The following CYP2F1 variants were observed in gnomAD, a reference collection of about 807,000 sequenced individuals.
The protein encoded by CYP2F1 is cytochrome P450 family 2 subfamily F member 1, also known as cytochrome P450 2F1.
Under a neutral mutation model 40.4 loss-of-function variants are expected in CYP2F1, and 33 were observed. That is an observed-to-expected ratio of 0.82 (90% CI 0.62 to 1.09). CYP2F1 has a LOEUF of 1.09. Ranked by LOEUF, CYP2F1 falls within the 50% of genes least tolerant of loss-of-function variation. CYP2F1 has a pLI of 0.00. For synonymous variants in CYP2F1, 235 were observed against 277.2 expected (o/e 0.85, Z 1.51); for missense variants, 566 against 655.7 (o/e 0.86, Z 1.49).
intron 3 of CYP2F1, among the ~76,000 whole-genome samples, chr19:41,117,792 C>G (rs2031908697): frequency 6.6e-6 from 1 of 152,152 alleles, no homozygotes; most frequent in Admixed American, 6.6e-5. Context: ...TCTTGTCCCT[C>G]TAAGGCTTGG....
intron 3 of CYP2F1, among the ~76,000 whole-genome samples, chr19:41,118,375 A>C (rs1298406870): frequency 6.6e-6 from 1 of 152,072 alleles, no homozygotes; most frequent in African/African-American, 2.4e-5. Context: ...ATCCTGGACT[A>C]TTCTCTCCTC....
At chr19:41,120,279 G>A (rs1252970122) in intron 3 of CYP2F1, 68 bp from the exon 4 acceptor site, 3 of 1,454,986 alleles carry the variant, frequency 2.1e-6, no homozygotes, top group Non-Finnish European at 2.8e-6. Flanking sequence ...TACCATGAAA[G>A]GGGACCTGGG....
chr19:41,116,679 G>A (rs959223174), intron 3 of CYP2F1, 62 bp downstream of exon 3: 2 of 1,552,952 alleles, frequency 1.3e-6, no homozygotes, highest in Non-Finnish European at 8.8e-7. Context: ...GGGGGTGAGG[G>A]TGAGAGACTG....
intron 9 of CYP2F1, among the ~76,000 whole-genome samples, chr19:41,126,340 A>T (rs2032546192): frequency 6.6e-6 from 1 of 152,012 alleles, no homozygotes; most frequent in African/African-American, 2.4e-5. Context: ...CAGGAGAATC[A>T]CTTGAACCCG....
In CYP2F1 at chr19:41,121,432, T is replaced by C. The variant is rs1199284947; in HGVS notation, c.485-26T>C. ...TGGTGTGCTGCACATCGCGTCTTCC[T>C]GATCCATTGCACTCCTTACCCTCAG... On this transcript the variant is annotated intron_variant, in intron 4 of 9. Coordinates refer to ENST00000331105, the MANE Select transcript of CYP2F1 (RefSeq NM_000774.5). 6 of 1,600,842 alleles carry C rather than the reference T, an allele frequency of 3.7e-6. No individual in the cohort carries two copies. The Admixed American group carries it at 5.1e-5, about 14-fold the overall frequency.
intron 4 of CYP2F1, among the ~76,000 whole-genome samples, chr19:41,121,080 G>A (rs2032168358): frequency 6.6e-6 from 1 of 152,068 alleles, no homozygotes; most frequent in Non-Finnish European, 1.5e-5. Context: ...GTCACTGCGT[G>A]TCGTGTGTTG....
chr19:41,115,311 A>G (rs887208312), intron 1 of CYP2F1, among the ~76,000 whole-genome samples: 4 of 151,640 alleles, frequency 2.6e-5, no homozygotes, highest in African/African-American at 7.3e-5. Flanking sequence ...TCTGTCTCTC[A>G]GTCAGTGTCC....
intron 7 of CYP2F1, among the ~76,000 whole-genome samples, chr19:41,123,827 C>T (rs1366862340): frequency 3.9e-5 from 6 of 152,118 alleles, no homozygotes; most frequent in African/African-American, 1.4e-4. Context: ...CCTGCCTCCA[C>T]CCGCTTAGTC....
At chr19:41,126,628 T>A (rs1223668233) in intron 9 of CYP2F1, among the ~76,000 whole-genome samples, 1 of 151,600 alleles carries the variant, frequency 6.6e-6, no homozygotes, top group African/African-American at 2.4e-5. Context: ...GTGGTGTGCA[T>A]CTGTGGTCCC....
chr19:41,119,723 C>CTCTCTCTCTCTATATATATA (rs1478574507), intron 3 of CYP2F1, among the ~76,000 whole-genome samples: 7 of 35,812 alleles, frequency 2.0e-4, no homozygotes, highest in Non-Finnish European at 3.1e-4. Context: ...CTCTCTCTCT[C>CTCTCTCTCTCTATATATATA]TATATATATA....
chr19:41,119,736 TATATATATATATACACACACACAC>T (rs2032051861), intron 3 of CYP2F1, among the ~76,000 whole-genome samples: 1 of 71,014 alleles, frequency 1.4e-5, no homozygotes, highest in African/African-American at 5.4e-5. Flanking sequence ...TATATATATA[TATATATATATATACACACACACAC>T]ACACACACAC....
chr19:41,120,412 A>G lies in CYP2F1; in HGVS notation c.400A>G (p.Asn134Asp), dbSNP rs2032123458. The G allele has an allele frequency of 1.2e-6, 2 of 1,614,040 alleles. No individual in the cohort carries two copies. The highest frequency in any genetic ancestry group is 2.2e-5 in the South Asian group (2 of 91,060). The change falls in exon 4 of 10, where the codon AAT becomes GAT. Residue 134 changes from asparagine to aspartate, a missense_variant. Physicochemically the swap from Asn to Asp is conservative, Grantham distance 23 (BLOSUM62 1). Transcript: ENST00000331105. ...LRQFSIQILRNFGMGKRSIEE... is the reference protein window; with the variant it reads ...LRQFSIQILRDFGMGKRSIEE... ...ACAGTTCTCTATCCAGATTCTACGG[A>G]ATTTCGGGATGGGGAAGAGAAGCAT...
rs754087330 is a variant in CYP2F1, at chr19:41,122,976, C to T, written c.964+13C>T. The T allele has an allele frequency of 4.0e-5, 64 of 1,609,120 alleles. No homozygotes were observed. The highest frequency in any genetic ancestry group is 4.9e-5 in the Non-Finnish European group (58 of 1,177,932). On this transcript the variant is annotated intron_variant, in intron 7 of 9. Coordinates refer to ENST00000331105, the MANE Select transcript of CYP2F1 (RefSeq NM_000774.5). ...CCAAAAGTTCAAGGTGAGGCCCACC[C>T]ACACAGCAGCGTGGAGGTGCCCATG... is the stretch of plus-strand genomic sequence containing the variant.
chr19:41,126,690 G>A (rs959055204), intron 9 of CYP2F1, among the ~76,000 whole-genome samples: 3 of 151,754 alleles, frequency 2.0e-5, no homozygotes. Context: ...GGAGTTTGAG[G>A]TTACAGTGAG....
intron 3 of CYP2F1, 55 bp downstream of exon 3, chr19:41,116,672 G>A: frequency 6.3e-7 from 1 of 1,575,224 alleles, no homozygotes; most frequent in Non-Finnish European, 8.7e-7. Context: ...TGAGGGAGGG[G>A]GTGAGGGTGA....
intron 9 of CYP2F1, 73 bp from the exon 10 acceptor site, chr19:41,127,828 T>C (rs2144765678): frequency 1.7e-6 from 2 of 1,173,956 alleles, no homozygotes; most frequent in Non-Finnish European, 2.4e-6. Flanking sequence ...TATGTTTTCC[T>C]CTGGGAATGT....
intron 4 of CYP2F1, among the ~76,000 whole-genome samples, chr19:41,121,232 G>A (rs575309953): frequency 5.3e-4 from 81 of 152,114 alleles, no homozygotes; most frequent in African/African-American, 1.7e-3. Context: ...GGGCGTTGTT[G>A]CTGTCGATGT....
At chr19:41,124,512 C>G (rs1288453954) in intron 7 of CYP2F1, among the ~76,000 whole-genome samples, 1 of 152,136 alleles carries the variant, frequency 6.6e-6, no homozygotes, top group Non-Finnish European at 1.5e-5. Context: ...GATCCGTCCG[C>G]CTGGGCCTCC....
At chr19:41,124,257 T>TCCCC (rs1568381454) in intron 7 of CYP2F1, among the ~76,000 whole-genome samples, 3 of 20,760 alleles carry the variant, frequency 1.4e-4, no homozygotes, top group South Asian at 3.1e-3. Flanking sequence ...CCCCCCCCCT[T>TCCCC]TTTTTTTTTT....
Sources: allele counts gnomAD v4.1 joint callset (sites outside exome capture counted in the v4.1 genomes callset), GRCh38; gene constraint gnomAD v4.1.1; transcripts MANE v1.5; gene names NCBI Gene and HGNC (gene_info 2026-07-23, HGNC 2026-07-21).